Variants in OCSTAMP observed in about 807,000 individuals in gnomAD.
The protein encoded by OCSTAMP is osteoclast stimulatory transmembrane protein, also known as transmembrane protein C20orf123.
A neutral mutation model predicts 25.2 loss-of-function variants in OCSTAMP; 17 were observed. The observed-to-expected ratio is 0.68, with a 90% CI of 0.46 to 1.01. The LOEUF (loss-of-function observed/expected upper bound fraction) is 1.01. OCSTAMP is among the 50% of genes least tolerant of loss of function. OCSTAMP has a pLI of 0.00. For synonymous variants in OCSTAMP, 345 were observed against 318.9 expected (o/e 1.08, Z -0.87); for missense variants, 664 against 694.6 (o/e 0.96, Z 0.50).
chr20:46,549,572 C>T (rs1306750708), intron 1 of OCSTAMP, among the ~76,000 whole-genome samples: 2 of 152,108 alleles, frequency 1.3e-5, no homozygotes, highest in African/African-American at 4.8e-5. Flanking sequence ...GACATTCCAG[C>T]TGGGGGTGGA....
intron 1 of OCSTAMP, 94 bp downstream of exon 1, chr20:46,550,423 G>C: frequency 9.1e-7 from 1 of 1,099,966 alleles, no homozygotes. Context: ...GCCAAGGAAT[G>C]GCAGAGCTGA....
At chr20:46,550,104 C>G (rs1375348846) in intron 1 of OCSTAMP, among the ~76,000 whole-genome samples, 1 of 152,130 alleles carries the variant, frequency 6.6e-6, no homozygotes, top group East Asian at 1.9e-4. Flanking sequence ...ACACCCCCTT[C>G]TACTATATAA....
Position 46,545,534 on chromosome 20 carries a change from G to A in OCSTAMP, c.840C>T (p.Pro280=), listed in dbSNP as rs1308036271. 6.4e-7 allele frequency: 1 copy of A among 1,551,374 alleles called. No homozygotes were observed. Among genetic ancestry groups the A allele is most frequent in the Non-Finnish European group, 8.7e-7 (1 of 1,146,886 alleles). Reference sequence around the variant, plus strand: ...GCTGAGCCGCCTGGAGCAGCCAGGTGGGTGGAGGGGCCAGGAGGTGTGTAG... The same window carrying A: ...GCTGAGCCGCCTGGAGCAGCCAGGTAGGTGGAGGGGCCAGGAGGTGTGTAG... ...AQATHLLAPP[P]TWLLQAAQLR... The change falls in exon 2 of 3, where the codon CCC becomes CCT. Residue 280 remains proline (P), a synonymous_variant. Transcript: ENST00000279028.
At position 46,541,444 on chromosome 20, in the gene OCSTAMP, G is replaced by C. The variant is rs2061833737; in HGVS notation, c.1531C>G (p.Leu511Val). 2.6e-6 allele frequency: 4 copies of C among 1,521,288 alleles called. No homozygotes were observed. The East Asian group carries it at 7.4e-5, about 28-fold the overall frequency. 94.2% of individuals were successfully genotyped at this position (1,521,288 alleles called of 1,614,324 possible). A position where few individuals can be genotyped will look rare whatever the true frequency, so the allele number is the denominator to read the frequency against. ...LWSCRDLSCN[L>V]GPVPPPCVTL... ...ACACAGGGAGGCGGCACAGGACCAA[G>C]GTTACAACTCAGGTCTCTGCAACTC... The change falls in exon 3 of 3, where the codon CTT (leucine) becomes GTT (valine). Residue 511 changes from leucine to valine, a missense_variant. Physicochemically the swap from Leu to Val is conservative, Grantham distance 32. Transcript: ENST00000279028.
chr20:46,549,433 T>C (rs2061863320), intron 1 of OCSTAMP, among the ~76,000 whole-genome samples: 1 of 152,206 alleles, frequency 6.6e-6, no homozygotes, highest in African/African-American at 2.4e-5. Context: ...GAGACTTAAA[T>C]AGACCATTAG....
chr20:46,547,234 T>C (rs549393146), intron 1 of OCSTAMP, among the ~76,000 whole-genome samples: 5 of 152,052 alleles, frequency 3.3e-5, no homozygotes, highest in Admixed American at 6.5e-5. Flanking sequence ...ACTCTTAAAT[T>C]TGAGATTCAG....
intron 1 of OCSTAMP, among the ~76,000 whole-genome samples, chr20:46,549,309 C>T (rs1568899277): frequency 1.3e-5 from 2 of 152,186 alleles, no homozygotes; most frequent in East Asian, 1.9e-4. Context: ...CTTATGTCAA[C>T]GATGTAAATG....
At chr20:46,547,879 C>T (rs758107138) in intron 1 of OCSTAMP, among the ~76,000 whole-genome samples, 1 of 152,002 alleles carries the variant, frequency 6.6e-6, no homozygotes, top group Non-Finnish European at 1.5e-5. Context: ...GAGATCTCAT[C>T]GAGAGGGGAG....
At chr20:46,546,865 A>G (rs145470197) in intron 1 of OCSTAMP, among the ~76,000 whole-genome samples, 1 of 152,302 alleles carries the variant, frequency 6.6e-6, no homozygotes, top group East Asian at 1.9e-4. Flanking sequence ...ATATTCTATC[A>G]TCCTTATATT....
In OCSTAMP at chr20:46,546,169, A is replaced by G. The variant is rs1159026949; in HGVS notation, c.205T>C (p.Trp69Arg). Residue 69 changes from tryptophan to arginine, a missense_variant, in exon 2 of 3, where the codon TGG (tryptophan) becomes CGG (arginine). Transcript: ENST00000279028. ...AAAAAGLVYH[W>R]LASLLLYPPG... ...GGATAAAGCAGCAAGGATGCCAGCC[A>G]GTGATAAACCAGACCTGCAGCAGCA... 1.3e-6 allele frequency: 2 copies of G among 1,551,790 alleles called. No individual in the cohort carries two copies. The highest frequency in any genetic ancestry group is 2.0e-5 in the Admixed American group (1 of 51,016).
At chr20:46,549,184 T>TTC (rs2061862498) in intron 1 of OCSTAMP, among the ~76,000 whole-genome samples, 1 of 152,152 alleles carries the variant, frequency 6.6e-6, no homozygotes, top group Non-Finnish European at 1.5e-5. Flanking sequence ...ACAGAAACCT[T>TTC]TGTCACAGGG....
intron 1 of OCSTAMP, among the ~76,000 whole-genome samples, chr20:46,550,113 A>G (rs2061866172): frequency 6.6e-6 from 1 of 152,176 alleles, no homozygotes; most frequent in South Asian, 2.1e-4. Flanking sequence ...TCTACTATAT[A>G]ATTAATATTT....
At position 46,545,568 on chromosome 20, in the gene OCSTAMP, T is replaced by G. The variant is rs746760756; in HGVS notation, c.806A>C (p.Gln269Pro). The G allele has an allele frequency of 8.4e-6, 13 of 1,551,674 alleles. No individual in the cohort carries two copies. In the South Asian group the frequency reaches 1.5e-4, roughly 18 times the overall value. The change falls in exon 2 of 3, where the codon CAG (glutamine) becomes CCG (proline). Residue 269 changes from glutamine to proline, a missense_variant. Physicochemically the swap from Gln to Pro is moderately conservative, Grantham distance 76. Transcript: ENST00000279028. ...GGCCAGGAGGTGTGTAGCCTGGGCC[T>G]GTGCCAACCGCTGGGTCAGCTGTTG... ...ATQQLTQRLAQAQATHLLAPP... is the reference protein window; with the variant it reads ...ATQQLTQRLAPAQATHLLAPP...
chr20:46,543,305 C>CCTTTCCTTTCTTTCTTTCTTT (rs1555872069), intron 2 of OCSTAMP, among the ~76,000 whole-genome samples: 8 of 128,376 alleles, frequency 6.2e-5, no homozygotes, highest in African/African-American at 2.1e-4. Context: ...CTTTCTCTTT[C>CCTTTCCTTTCTTTCTTTCTTT]CTTTCTTTCT....
In OCSTAMP at chr20:46,549,911, G is replaced by T. The variant is rs534929528; in HGVS notation, c.44+606C>A. Among the ~76,000 whole-genome samples, 15 of 151,814 alleles carry T rather than the reference G, an allele frequency of 9.9e-5. No individual in the cohort carries two copies. In the South Asian group the frequency reaches 3.1e-3, roughly 32 times the overall value. On this transcript the variant is annotated intron_variant, in intron 1 of 2. Transcript: ENST00000279028. ...TTTCTTGAGAGATAAGAAGATCTGG[G>T]TTAGAGCTCCCACCTTTGCAACAGG...
chr20:46,543,311 T>TTTCC (rs1427517420), intron 2 of OCSTAMP, among the ~76,000 whole-genome samples: 1 of 145,116 alleles, frequency 6.9e-6, no homozygotes, highest in African/African-American at 2.5e-5. Context: ...CTTTCCTTTC[T>TTTCC]TTCTTTCTTT....
Position 46,546,207 on chromosome 20 carries a change from G to A in OCSTAMP, c.167C>T (p.Ala56Val). Residue 56 changes from alanine (A) to valine (V), a missense_variant, in exon 2 of 3, where the codon GCC (alanine) becomes GTC (valine). By Grantham distance (64) the Ala-to-Val change is moderately conservative (BLOSUM62 0). Coordinates refer to ENST00000279028, the MANE Select transcript of OCSTAMP (RefSeq NM_080721.3). ...ACCTGCAGCAGCAGCAGCCAGGGAG[G>A]CACACAGGAGGAGCTGGGTCAGCAG... Reference protein sequence around the residue: ...GQLLTQLLLCASLAAAAAGLV... With the variant: ...GQLLTQLLLCVSLAAAAAGLV... 1 of 1,551,808 alleles carries A rather than the reference G, an allele frequency of 6.4e-7. No homozygotes were observed. The highest frequency in any genetic ancestry group is 1.4e-5 in the African/African-American group (1 of 73,182).
At chr20:46,543,257 C>CT (rs1568897041) in intron 2 of OCSTAMP, among the ~76,000 whole-genome samples, 2 of 118,916 alleles carry the variant, frequency 1.7e-5, no homozygotes, top group East Asian at 5.0e-4. Context: ...TCTTTCTTTC[C>CT]TTCTTTCTTT....
chr20:46,545,718 C>G lies in OCSTAMP; in HGVS notation c.656G>C (p.Arg219Pro). Reference sequence around the variant, plus strand: ...TCGCTGGGTCCCTAGCGCTGCTGCCCGGGCCAGGGACTCCAGGCCAGAGAA... The same window carrying G: ...TCGCTGGGTCCCTAGCGCTGCTGCCGGGGCCAGGGACTCCAGGCCAGAGAA... The part of the protein sequence containing the change: ...EDFSGLESLA[R>P]AAALGTQRVV... Residue 219 changes from arginine (R) to proline (P), a missense_variant, in exon 2 of 3, where the codon CGG (arginine) becomes CCG (proline). By Grantham distance (103) the Arg-to-Pro change is moderately radical. Transcript: ENST00000279028. 8 of 1,551,602 alleles carry G rather than the reference C, an allele frequency of 5.2e-6. No individual in the cohort carries two copies. The South Asian group carries it at 7.1e-5, about 14-fold the overall frequency.
Sources: allele counts gnomAD v4.1 joint callset (sites outside exome capture counted in the v4.1 genomes callset), GRCh38; gene constraint gnomAD v4.1.1; transcripts MANE v1.5; gene names NCBI Gene and HGNC (gene_info 2026-07-23, HGNC 2026-07-21).